POTEJ: variants seen among roughly 807,000 people sequenced by gnomAD.
POTEJ encodes the protein POTE ankyrin domain family, member J.
POTEJ carries 11 observed loss-of-function variants against 69.0 expected under a neutral mutation model. That is an observed-to-expected ratio of 0.16 (90% confidence interval 0.10 to 0.26). POTEJ has a LOEUF of 0.26. POTEJ is among the 10% of genes least tolerant of loss of function. The probability of loss-of-function intolerance (pLI) is 1.00; values close to 1 mark genes in which losing one functional copy is unlikely to be tolerated. For missense variants in POTEJ, 327 were observed against 1,045.5 expected (o/e 0.31, Z 9.48); for synonymous variants, 117 against 381.1 (o/e 0.31, Z 8.07).
intron 9 of POTEJ, among the ~76,000 whole-genome samples, 171 bp downstream of exon 9, chr2:130,632,827 A>C (rs150691196): frequency 6.9e-6 from 1 of 144,090 alleles, no homozygotes; most frequent in East Asian, 1.9e-4. Flanking sequence ...TTTTCCAGTC[A>C]TTAATTTATT....
intron 9 of POTEJ, among the ~76,000 whole-genome samples, chr2:130,638,381 AG>A (rs746039277): frequency 1.3e-4 from 19 of 150,468 alleles, no homozygotes; most frequent in Non-Finnish European, 1.3e-4. Context: ...GGCTAACGCA[AG>A]TTAATTTACT....
chr2:130,631,135 C>T (rs78463912), intron 7 of POTEJ, among the ~76,000 whole-genome samples: 18,645 of 85,068 alleles, frequency 0.22, 1,124 homozygotes, highest in Middle Eastern at 0.28. Context: ...TGCTGGTTCA[C>T]GTTTTTTTTC....
chr2:130,643,321 G>A (rs927801492), intron 10 of POTEJ, among the ~76,000 whole-genome samples: 1 of 134,136 alleles, frequency 7.5e-6, no homozygotes, highest in Non-Finnish European at 1.7e-5. Context: ...AGGAGATCGA[G>A]ACCATCCTGT....
intron 9 of POTEJ, among the ~76,000 whole-genome samples, chr2:130,634,929 T>G (rs1270212225): frequency 6.6e-6 from 1 of 152,228 alleles, no homozygotes; most frequent in Non-Finnish European, 1.5e-5. Context: ...TTCTGTAAAT[T>G]ATGCATTTTT....
intron 10 of POTEJ, among the ~76,000 whole-genome samples, chr2:130,639,999 T>G (rs570798084): frequency 3.3e-5 from 5 of 152,090 alleles, no homozygotes; most frequent in South Asian, 2.1e-4. Flanking sequence ...CCCACTGGAA[T>G]CTTATAATTA....
intron 13 of POTEJ, among the ~76,000 whole-genome samples, chr2:130,650,287 G>A (rs1276453388): frequency 1.3e-5 from 2 of 152,264 alleles, no homozygotes; most frequent in African/African-American, 4.8e-5. Flanking sequence ...GACTTTTCTG[G>A]CCATCCCAAC....
intron 1 of POTEJ, among the ~76,000 whole-genome samples, chr2:130,613,323 CATATGTATATATACATATATAT>C (rs1558915588): frequency 2.0e-5 from 1 of 50,190 alleles, no homozygotes; most frequent in Non-Finnish European, 3.0e-5. Flanking sequence ...CATATATATA[CATATGTATATATACATATATAT>C]GTGTGTGTAT....
chr2:130,621,122 A>G (rs1573971084), intron 4 of POTEJ, among the ~76,000 whole-genome samples: 1 of 139,270 alleles, frequency 7.2e-6, no homozygotes, highest in East Asian at 2.1e-4. Flanking sequence ...CTGATTTTCT[A>G]TTACAGCATA....
intron 5 of POTEJ, 61 bp from the exon 6 acceptor site, chr2:130,624,003 T>C: frequency 6.7e-7 from 1 of 1,486,418 alleles, no homozygotes; most frequent in South Asian, 1.2e-5. Context: ...ATTCTGCATT[T>C]GGTAAGATTT....
At chr2:130,643,098 G>C (rs1257431967) in intron 10 of POTEJ, among the ~76,000 whole-genome samples, 1 of 147,630 alleles carries the variant, frequency 6.8e-6, no homozygotes, top group Non-Finnish European at 1.5e-5. Flanking sequence ...CAGACATGTG[G>C]AGGAATAATG....
At position 130,652,040 on chromosome 2, in the gene POTEJ, G is replaced by T. The variant is rs563942074; in HGVS notation, c.1668-2881G>T. ...TCATGTCAAATTGTAATTCCCAGGT[G>T]TTGAGGAAAGACCAGCTGGGAGGTG... On this transcript the variant is annotated intron_variant, in intron 13 of 14. Coordinates refer to ENST00000409602, the MANE Select transcript of POTEJ (RefSeq NM_001277083.2). 1.7e-4 allele frequency among the ~76,000 whole-genome samples: 23 copies of T among 138,502 alleles called. 5 individuals are homozygous for T. The highest frequency in any genetic ancestry group is 7.2e-4 in the African/African-American group (23 of 31,970). 90.9% of individuals were successfully genotyped at this position (138,502 alleles called of 152,430 possible).
At chr2:130,652,079 G>T (rs1342255200) in intron 13 of POTEJ, among the ~76,000 whole-genome samples, 1 of 138,440 alleles carries the variant, frequency 7.2e-6, no homozygotes, top group East Asian at 2.0e-4. Context: ...GGCTCATGGG[G>T]TCGGTTTCCT....
chr2:130,611,757 C>T lies in POTEJ; in HGVS notation c.225C>T (p.Ser75=), dbSNP rs374649517. The T allele has an allele frequency of 4.2e-3, 6,423 of 1,545,618 alleles. 65 individuals carry two copies. In the East Asian group the frequency reaches 0.075, roughly 18 times the overall value. ...ACTGCTTCCCCTGCTGCAGGGGGAG[C>T]GGCAAGAGCAACGTGGGTGCTTGGG... ...CCHCFPCCRG[S]GKSNVGAWGD... Residue 75 remains serine, a synonymous_variant, in exon 1 of 15, where the codon AGC becomes AGT. Transcript: ENST00000409602.
rs1254491134 is a variant in POTEJ, at chr2:130,614,514, C to T, written c.411-2276C>T. 7.9e-4 allele frequency among the ~76,000 whole-genome samples: 118 copies of T among 149,340 alleles called. No individual in the cohort carries two copies. The Middle Eastern group carries it at 0.017, about 22-fold the overall frequency. ...GTCAGTAGATACAGAGATATGTCGACGTGCAAAGATGTACTTTGCTATATC... is the reference window on the plus strand; with the variant it reads ...GTCAGTAGATACAGAGATATGTCGATGTGCAAAGATGTACTTTGCTATATC... On this transcript the variant is annotated intron_variant, in intron 1 of 14. Transcript: ENST00000409602.
chr2:130,649,266 T>A (rs1179296397), intron 13 of POTEJ, among the ~76,000 whole-genome samples: 2 of 151,668 alleles, frequency 1.3e-5, no homozygotes, highest in East Asian at 1.9e-4. Flanking sequence ...ACTGATGTCC[T>A]TCCTGAAATC....
intron 1 of POTEJ, among the ~76,000 whole-genome samples, chr2:130,613,075 T>C (rs1025973282): frequency 7.4e-6 from 1 of 135,280 alleles, no homozygotes; most frequent in African/African-American, 2.8e-5. Context: ...TGTTTTGTAT[T>C]ATTTAAAAAA....
intron 13 of POTEJ, among the ~76,000 whole-genome samples, chr2:130,648,094 C>T (rs1686657187): frequency 6.8e-6 from 1 of 147,760 alleles, no homozygotes; most frequent in East Asian, 1.9e-4. Flanking sequence ...CTAGAATTGG[C>T]TGATTTTTAT....
chr2:130,642,011 A>G (rs867806595), intron 10 of POTEJ, among the ~76,000 whole-genome samples: 2,284 of 150,764 alleles, frequency 0.015, 8 homozygotes, highest in African/African-American at 0.053. Context: ...GCTGCCAGAA[A>G]AGAAAGAGCA....
At chr2:130,636,070 T>C (rs1224337582) in intron 9 of POTEJ, among the ~76,000 whole-genome samples, 2 of 143,888 alleles carry the variant, frequency 1.4e-5, no homozygotes, top group East Asian at 3.9e-4. Flanking sequence ...ATTCTTGCCA[T>C]CCTGTATCTA....
Sources: allele counts gnomAD v4.1 joint callset (sites outside exome capture counted in the v4.1 genomes callset), GRCh38; gene constraint gnomAD v4.1.1; transcripts MANE v1.5; gene names NCBI Gene and HGNC (gene_info 2026-07-23, HGNC 2026-07-21).